NGF: variants seen among roughly 807,000 people sequenced by gnomAD.
The protein encoded by NGF is beta-nerve growth factor.
A neutral mutation model predicts 12.8 loss-of-function variants in NGF; 4 were observed. The observed-to-expected ratio is 0.31, with a 90% CI of 0.15 to 0.72. The LOEUF (loss-of-function observed/expected upper bound fraction) is 0.72. NGF is among the 30% of genes least tolerant of loss of function. The pLI, the probability that NGF is intolerant of heterozygous loss-of-function variation, is 0.69. For missense variants in NGF, 283 were observed against 330.8 expected, an observed-to-expected ratio of 0.86 and a Z score of 1.12; for synonymous variants, 140 against 130.0, an observed-to-expected ratio of 1.08 and a Z score of -0.52.
chr1:115,306,473 T>A (rs778025001), intron 1 of NGF, among the ~76,000 whole-genome samples: 1 of 152,206 alleles, frequency 6.6e-6, no homozygotes, highest in Non-Finnish European at 1.5e-5. Flanking sequence ...TTGTTTGTTT[T>A]AGGCAAGACA....
At chr1:115,318,474 C>T (rs1324260608) in intron 1 of NGF, among the ~76,000 whole-genome samples, 3 of 152,092 alleles carry the variant, frequency 2.0e-5, no homozygotes, top group African/African-American at 2.4e-5. Flanking sequence ...TGAGCTGTGC[C>T]GACAGGCCAC....
chr1:115,304,329 A>ATTTATTTTT (rs1654135977), intron 1 of NGF, among the ~76,000 whole-genome samples: 1 of 80,830 alleles, frequency 1.2e-5, no homozygotes, highest in Non-Finnish European at 2.5e-5. Context: ...TGCTTGGCTA[A>ATTTATTTTT]TTTTTTTTTT....
intron 1 of NGF, among the ~76,000 whole-genome samples, chr1:115,309,727 C>T (rs1275645963): frequency 6.6e-6 from 1 of 152,032 alleles, no homozygotes; most frequent in Non-Finnish European, 1.5e-5. Flanking sequence ...TACTATGCAG[C>T]CATAAAAAAG....
At chr1:115,324,581 GA>G (rs1332174689) in intron 1 of NGF, among the ~76,000 whole-genome samples, 1 of 151,970 alleles carries the variant, frequency 6.6e-6, no homozygotes, top group African/African-American at 2.4e-5. Flanking sequence ...TCAGAGCCTG[GA>G]CCCCTGAGCC....
intron 1 of NGF, among the ~76,000 whole-genome samples, chr1:115,305,239 T>C (rs1233194735): frequency 1.3e-5 from 2 of 152,226 alleles, no homozygotes; most frequent in Non-Finnish European, 1.5e-5. Flanking sequence ...TTTGTTTCCT[T>C]TTAAAATACT....
intron 1 of NGF, among the ~76,000 whole-genome samples, chr1:115,336,091 T>C (rs768530376): frequency 6.6e-6 from 1 of 152,164 alleles, no homozygotes; most frequent in Non-Finnish European, 1.5e-5. Flanking sequence ...CCACTGGCCC[T>C]TGGGGCAGGA....
intron 2 of NGF, among the ~76,000 whole-genome samples, chr1:115,289,751 C>T (rs953948572): frequency 6.6e-6 from 1 of 152,166 alleles, no homozygotes; most frequent in Non-Finnish European, 1.5e-5. Flanking sequence ...CTCCTCATCT[C>T]CCTAAACACG....
intron 1 of NGF, among the ~76,000 whole-genome samples, chr1:115,318,791 C>G (rs1654540442): frequency 6.6e-6 from 1 of 152,332 alleles, no homozygotes; most frequent in South Asian, 2.1e-4. Context: ...TGAGCCCACT[C>G]CTACCTGCTC....
chr1:115,303,125 G>T (rs1401578089), intron 1 of NGF, among the ~76,000 whole-genome samples: 1 of 151,600 alleles, frequency 6.6e-6, no homozygotes, highest in Non-Finnish European at 1.5e-5. Flanking sequence ...ACAACCAGTA[G>T]AACACTGTGT....
At position 115,286,492 on chromosome 1, in the gene NGF, C is replaced by A. The variant is rs1463189006; in HGVS notation, c.304G>T (p.Asp102Tyr). 1 of 1,614,156 alleles carries A rather than the reference C, an allele frequency of 6.2e-7. No homozygotes were observed. The highest frequency in any genetic ancestry group is 1.7e-5 in the Admixed American group (1 of 60,026). The stretch of plus-strand genomic sequence containing the variant: ...GCACCACCGACCTCGAAGTCCAGAT[C>A]CTGAGTGTCTGCAGCTTCACGGGGA... ...QPPREAADTQDLDFEVGGAAP... is the reference protein window; with the variant it reads ...QPPREAADTQYLDFEVGGAAP... Residue 102 changes from aspartate (D) to tyrosine (Y), a missense_variant, in exon 3 of 3, where the codon GAT (aspartate) becomes TAT (tyrosine). Coordinates refer to ENST00000369512, the MANE Select transcript of NGF (RefSeq NM_002506.3).
intron 1 of NGF, among the ~76,000 whole-genome samples, chr1:115,312,683 C>G (rs1444074921): frequency 6.6e-6 from 1 of 152,136 alleles, no homozygotes; most frequent in Non-Finnish European, 1.5e-5. Context: ...TACAAGCCAA[C>G]TAACAAAATG....
chr1:115,320,812 T>A (rs1469135651), intron 1 of NGF, among the ~76,000 whole-genome samples: 1 of 151,952 alleles, frequency 6.6e-6, no homozygotes, highest in African/African-American at 2.4e-5. Context: ...CAGAAGGAGG[T>A]GGAAGCCCTA....
At chr1:115,289,675 A>G (rs1474406645) in intron 2 of NGF, among the ~76,000 whole-genome samples, 1 of 152,132 alleles carries the variant, frequency 6.6e-6, no homozygotes, top group Non-Finnish European at 1.5e-5. Context: ...TCTGCATACA[A>G]TAGCAACAGC....
At chr1:115,304,813 C>T (rs946473499) in intron 1 of NGF, among the ~76,000 whole-genome samples, 18 of 152,252 alleles carry the variant, frequency 1.2e-4, no homozygotes, top group East Asian at 3.9e-4. Flanking sequence ...TCCACCCCAG[C>T]GGGAGAAGTG....
intron 1 of NGF, among the ~76,000 whole-genome samples, chr1:115,316,416 G>T (rs977284804): frequency 6.6e-6 from 1 of 151,672 alleles, no homozygotes; most frequent in East Asian, 1.9e-4. Flanking sequence ...TTGTCCACTT[G>T]TTTTTTTTGC....
At chr1:115,303,141 C>T (rs1188724547) in intron 1 of NGF, among the ~76,000 whole-genome samples, 1 of 151,802 alleles carries the variant, frequency 6.6e-6, no homozygotes, top group Non-Finnish European at 1.5e-5. Flanking sequence ...TGTGTATCTG[C>T]CTGAGCATGT....
At chr1:115,312,295 CAA>C (rs1654355095) in intron 1 of NGF, among the ~76,000 whole-genome samples, 1 of 152,138 alleles carries the variant, frequency 6.6e-6, no homozygotes, top group African/African-American at 2.4e-5. Context: ...GAAAAGGACT[CAA>C]GTGATTATCT....
At chr1:115,316,454 A>G (rs965170683) in intron 1 of NGF, among the ~76,000 whole-genome samples, 6 of 152,192 alleles carry the variant, frequency 3.9e-5, no homozygotes, top group African/African-American at 1.4e-4. Context: ...TTAAAAGAAA[A>G]ATGAAAATTA....
At chr1:115,335,619 GAT>G (rs1395649690) in intron 1 of NGF, among the ~76,000 whole-genome samples, 1 of 144,840 alleles carries the variant, frequency 6.9e-6, no homozygotes, top group Non-Finnish European at 1.5e-5. Flanking sequence ...TGCTTCCTGA[GAT>G]CAGAGAATTT....
Sources: allele counts gnomAD v4.1 joint callset (sites outside exome capture counted in the v4.1 genomes callset), GRCh38; gene constraint gnomAD v4.1.1; transcripts MANE v1.5; gene names NCBI Gene and HGNC (gene_info 2026-07-23, HGNC 2026-07-21).